KCNJ16: variants seen among roughly 807,000 people sequenced by gnomAD.
KCNJ16 encodes the protein potassium inwardly rectifying channel subfamily J member 16.
A neutral mutation model predicts 18.5 loss-of-function variants in KCNJ16; 15 were observed. The ratio of observed to expected loss-of-function variants is 0.81; its 90% confidence interval spans 0.54 to 1.25. The LOEUF is 1.25. Among genes scored for constraint, KCNJ16 ranks in the 50% most tolerant of loss-of-function variants. KCNJ16 has a pLI of 0.00. For missense variants in KCNJ16, 523 were observed against 525.7 expected (o/e 0.99, Z 0.05); for synonymous variants, 174 against 186.5 (o/e 0.93, Z 0.55).
intron 2 of KCNJ16, among the ~76,000 whole-genome samples, chr17:70,129,836 G>A (rs1175995113): frequency 6.6e-6 from 1 of 152,216 alleles, no homozygotes; most frequent in East Asian, 1.9e-4. Flanking sequence ...CTTGTGTATA[G>A]CAGTTGCTGG....
chr17:70,096,817 T>C, intron 1 of KCNJ16: 1 of 394,690 alleles, frequency 2.5e-6, no homozygotes, highest in Non-Finnish European at 4.5e-6. Context: ...CTTCTACTGG[T>C]AAAGCAAGTT....
At chr17:70,082,819 T>C (rs73998750) in intron 1 of KCNJ16, among the ~76,000 whole-genome samples, 1 of 152,052 alleles carries the variant, frequency 6.6e-6, no homozygotes, top group African/African-American at 2.4e-5. Flanking sequence ...ATAAGTAAGG[T>C]AGACTAAAAA....
In KCNJ16 at chr17:70,130,920, A is replaced by G; in HGVS notation, c.-149A>G. ...TTTTGATGTTGCAGTTTTAAATTTC[A>G]CTTTGACTTGAGCTGGGAAATCCTT... On this transcript the variant is annotated 5_prime_UTR_variant, in exon 3 of 4. Transcript: ENST00000392671. 6.6e-7 allele frequency: 1 copy of G among 1,524,136 alleles called. No homozygotes were observed. The highest frequency in any genetic ancestry group is 2.4e-5 in the East Asian group (1 of 40,834). 94.4% of individuals were successfully genotyped at this position (1,524,136 alleles called of 1,614,324 possible). A position where few individuals can be genotyped will look rare whatever the true frequency, so the allele number is the denominator to read the frequency against.
chr17:70,100,067 A>G (rs1378805636), intron 1 of KCNJ16, among the ~76,000 whole-genome samples: 6 of 152,180 alleles, frequency 3.9e-5, no homozygotes, highest in East Asian at 1.9e-4. Flanking sequence ...TCTATATCCT[A>G]TGGTAACCAG....
intron 2 of KCNJ16, among the ~76,000 whole-genome samples, chr17:70,109,529 C>T (rs1362583832): frequency 6.6e-6 from 1 of 151,882 alleles, no homozygotes; most frequent in African/African-American, 2.4e-5. Context: ...CTTTTCCTAA[C>T]TTCCCCAACA....
At chr17:70,103,296 G>GTGTGTGTGTATATATATATATATATATA (rs1408960241) in intron 2 of KCNJ16, among the ~76,000 whole-genome samples, 4 of 72,050 alleles carry the variant, frequency 5.6e-5, no homozygotes, top group Non-Finnish European at 9.2e-5. Flanking sequence ...ATGTGTGTGT[G>GTGTGTGTGTATATATATATATATATATA]TATATATATA....
rs1352223408 is a variant in KCNJ16 at position 70,134,296 on chromosome 17, C to A, written c.*952C>A. 1 of 165,950 alleles carries A rather than the reference C, an allele frequency of 6.0e-6. No individual in the cohort carries two copies. The highest frequency in any genetic ancestry group is 1.9e-4 in the East Asian group (1 of 5,150). The allele number at this position is 165,950 out of a possible 1,614,324, so 10.3% of individuals were successfully genotyped here. A position where few individuals can be genotyped will look rare whatever the true frequency, so the allele number is the denominator to read the frequency against. On this transcript the variant is annotated 3_prime_UTR_variant, in exon 4 of 4. Coordinates refer to ENST00000392671, the MANE Select transcript of KCNJ16 (RefSeq NM_170741.4). The stretch of plus-strand genomic sequence containing the variant: ...TTTGGCTGCTACAGAAAGGATAGAA[C>A]CTTTTTGGGGGGAGGGTGGGGAGGG...
chr17:70,080,658 G>A (rs2071513869), intron 1 of KCNJ16, among the ~76,000 whole-genome samples: 1 of 151,968 alleles, frequency 6.6e-6, no homozygotes, highest in African/African-American at 2.4e-5. Flanking sequence ...CCTGGGTTTG[G>A]TTACTACTTG....
intron 2 of KCNJ16, among the ~76,000 whole-genome samples, chr17:70,116,912 TAAAAC>T (rs970861271): frequency 2.0e-5 from 3 of 152,266 alleles, no homozygotes; most frequent in East Asian, 1.9e-4. Flanking sequence ...TCAAAGAACT[TAAAAC>T]AGAACTACTA....
chr17:70,108,348 C>T (rs1432355244), intron 2 of KCNJ16: 2 of 152,214 alleles, frequency 1.3e-5, no homozygotes, highest in African/African-American at 4.8e-5. Flanking sequence ...AGCCCAATCT[C>T]TGCTGGTCAG....
chr17:70,108,258 C>T (rs2073022270), intron 2 of KCNJ16: 1 of 152,182 alleles, frequency 6.6e-6, no homozygotes, highest in South Asian at 2.1e-4. Context: ...TATATATCAC[C>T]TTTAATAGTT....
intron 2 of KCNJ16, among the ~76,000 whole-genome samples, chr17:70,104,141 T>C (rs912534434): frequency 1.3e-5 from 2 of 152,012 alleles, no homozygotes; most frequent in Non-Finnish European, 2.9e-5. Flanking sequence ...TTATTTTTTA[T>C]TTTTAGTAGA....
rs71149824 is a variant in KCNJ16, at chr17:70,124,898, T to TTGTGTGTGTGTGTGTGTG, written c.-190-5968_-190-5967insGTGTGTGTGTGTGTGTGT. ...CTGAGTTGAATAGATGGGTGTGTGT[T>TTGTGTGTGTGTGTGTGTG]TGTGTGTGTGTGTTCAGATATGGGT... On this transcript the variant is annotated intron_variant, in intron 2 of 3. Transcript: ENST00000392671. Among the ~76,000 whole-genome samples the TTGTGTGTGTGTGTGTGTG allele has an allele frequency of 1.0e-2, 1,505 of 151,194 alleles. 25 individuals carry two copies. Among genetic ancestry groups the TTGTGTGTGTGTGTGTGTG allele is most frequent in the African/African-American group, 0.035 (1,430 of 41,042 alleles).
intron 1 of KCNJ16, among the ~76,000 whole-genome samples, chr17:70,080,405 G>A (rs1403995967): frequency 6.6e-6 from 1 of 152,004 alleles, no homozygotes; most frequent in Non-Finnish European, 1.5e-5. Context: ...CATAATGCAG[G>A]TATGACTATA....
intron 2 of KCNJ16, among the ~76,000 whole-genome samples, chr17:70,111,149 G>A (rs760944902): frequency 9.2e-5 from 14 of 152,198 alleles, no homozygotes; most frequent in Non-Finnish European, 1.9e-4. Context: ...CTGAGGGTAT[G>A]AGTGTGACAT....
At chr17:70,129,002 C>A (rs537075255) in intron 2 of KCNJ16, 3 of 152,402 alleles carry the variant, frequency 2.0e-5, no homozygotes, top group African/African-American at 7.2e-5. Context: ...ACGTGTCTTC[C>A]GGGCAGCCCT....
chr17:70,077,772 A>G (rs1426850374), intron 1 of KCNJ16, among the ~76,000 whole-genome samples: 1 of 151,910 alleles, frequency 6.6e-6, no homozygotes, highest in African/African-American at 2.4e-5. Context: ...AACCATGGTA[A>G]TAAGGGCTCA....
At chr17:70,122,634 CA>C (rs2144157291) in intron 2 of KCNJ16, among the ~76,000 whole-genome samples, 1 of 152,210 alleles carries the variant, frequency 6.6e-6, no homozygotes, top group South Asian at 2.1e-4. Context: ...TAAGAAGATA[CA>C]ATCTGATTTG....
intron 1 of KCNJ16, among the ~76,000 whole-genome samples, chr17:70,076,149 A>G (rs2071298475): frequency 6.6e-6 from 1 of 152,172 alleles, no homozygotes; most frequent in Non-Finnish European, 1.5e-5. Flanking sequence ...AAGCCAGATG[A>G]ATTTTGATCA....
Sources: allele counts gnomAD v4.1 joint callset (sites outside exome capture counted in the v4.1 genomes callset), GRCh38; gene constraint gnomAD v4.1.1; transcripts MANE v1.5; gene names NCBI Gene and HGNC (gene_info 2026-07-23, HGNC 2026-07-21).